CCT7: variants seen among roughly 807,000 people sequenced by gnomAD.
CCT7 encodes the protein chaperonin containing TCP1 subunit 7, also known as T-complex protein 1 subunit eta.
Under a neutral mutation model 56.6 loss-of-function variants are expected in CCT7, and 16 were observed. The observed-to-expected ratio is 0.28, with a 90% CI of 0.19 to 0.43. The LOEUF (loss-of-function observed/expected upper bound fraction) is 0.43. CCT7 is among the 20% of genes least tolerant of loss of function. The pLI is 1.00. For missense variants in CCT7, 519 were observed against 685.6 expected (o/e 0.76, Z 2.71); for synonymous variants, 262 against 254.8 (o/e 1.03, Z -0.27).
At chr2:73,248,946 A>G (rs371241779) in intron 7 of CCT7, 45 bp from the exon 8 acceptor site, 16 of 1,539,974 alleles carry the variant, frequency 1.0e-5, no homozygotes, top group Non-Finnish European at 1.4e-5. Flanking sequence ...CGTATATGTC[A>G]ACCTTCACCC....
chr2:73,241,738 G>GT (rs71846554), intron 3 of CCT7, among the ~76,000 whole-genome samples: 1,929 of 144,620 alleles, frequency 0.013, 34 homozygotes, highest in African/African-American at 0.033. Flanking sequence ...ATTCCCAGTA[G>GT]TTTTTTTTTT....
At chr2:73,250,546 T>G in intron 10 of CCT7, 108 bp downstream of exon 10, 2 of 1,312,132 alleles carry the variant, frequency 1.5e-6, no homozygotes, top group Non-Finnish European at 2.1e-6. Context: ...ACCTGCCCTT[T>G]CCTGGGTGGT....
intron 3 of CCT7, 26 bp downstream of exon 3, chr2:73,240,569 T>C: frequency 6.7e-7 from 1 of 1,487,950 alleles, no homozygotes; most frequent in Non-Finnish European, 9.3e-7. Flanking sequence ...TGTGTTTAAA[T>C]GGAGGTTGAA....
chr2:73,252,324 GATATATATAT>G (rs57359293), intron 11 of CCT7, among the ~76,000 whole-genome samples: 2 of 127,338 alleles, frequency 1.6e-5, no homozygotes, highest in South Asian at 2.7e-4. Context: ...CTCATTGTTT[GATATATATAT>G]ATATATATAT....
intron 5 of CCT7, 139 bp downstream of exon 5, chr2:73,244,188 C>T (rs929560831): frequency 3.3e-5 from 27 of 826,790 alleles, no homozygotes; most frequent in Admixed American, 1.7e-4. Flanking sequence ...GTGTGAGTCA[C>T]CGTGTCAGGC....
chr2:73,249,285 C>G, intron 8 of CCT7, 106 bp downstream of exon 8: 3 of 881,650 alleles, frequency 3.4e-6, no homozygotes, highest in Non-Finnish European at 5.0e-6. Flanking sequence ...GTGAATTGAG[C>G]CCTGTTTTTT....
rs763936655 is a variant in CCT7, at chr2:73,240,520, A to G, written c.244A>G (p.Ile82Val). 1.2e-6 allele frequency: 2 copies of G among 1,606,092 alleles called. No individual in the cohort carries two copies. Among genetic ancestry groups the G allele is most frequent in the Non-Finnish European group, 1.7e-6 (2 of 1,175,478 alleles). ...TCCTGCAGCAAAGACTTTGGTAGAC[A>G]TTGCCAAATCCCAAGATGCTGAGGT... ...VHPAAKTLVD[I>V]AKSQDAEVGD... The change falls in exon 3 of 12, where the codon ATT (isoleucine) becomes GTT (valine). Residue 82 changes from isoleucine (I) to valine (V), a missense_variant. By Grantham distance (29) the Ile-to-Val change is conservative. Transcript: ENST00000258091.
chr2:73,239,600 T>C lies in CCT7; in HGVS notation c.7-43T>C, dbSNP rs777297335. 14 of 1,580,772 alleles carry C rather than the reference T, an allele frequency of 8.9e-6. No individual in the cohort carries two copies. The African/African-American group carries it at 1.9e-4, about 21-fold the overall frequency. Reference sequence around the variant, plus strand: ...CCCCTTTCCCCTGCCAGTCTCATTATAATAGATGATTATTAAAAGCAGTTA... The same window carrying C: ...CCCCTTTCCCCTGCCAGTCTCATTACAATAGATGATTATTAAAAGCAGTTA... On this transcript the variant is annotated intron_variant, in intron 1 of 11. Coordinates refer to ENST00000258091, the MANE Select transcript of CCT7 (RefSeq NM_006429.4).
chr2:73,234,407 G>C, intron 1 of CCT7, 23 bp downstream of exon 1: 1 of 1,612,628 alleles, frequency 6.2e-7, no homozygotes, highest in African/African-American at 1.3e-5. Context: ...TCGCGCATCC[G>C]TCGCCATCAG....
At chr2:73,243,926 T>G in intron 4 of CCT7, 71 bp from the exon 5 acceptor site, 3 of 1,385,018 alleles carry the variant, frequency 2.2e-6, no homozygotes, top group Non-Finnish European at 3.1e-6. Flanking sequence ...TCAGGACTAT[T>G]GAGAGATTGA....
chr2:73,251,910 G>T (rs954465178), intron 11 of CCT7, among the ~76,000 whole-genome samples: 3 of 151,636 alleles, frequency 2.0e-5, no homozygotes, highest in Admixed American at 2.0e-4. Flanking sequence ...CTGCACTCCA[G>T]CCCGGGTGGT....
intron 2 of CCT7, chr2:73,240,150 A>G (rs1393670817): frequency 6.0e-6 from 2 of 332,274 alleles, no homozygotes; most frequent in African/African-American, 4.2e-5. Flanking sequence ...TGTGGTAAGA[A>G]TATCTAAGTG....
chr2:73,239,810 G>A lies in CCT7; in HGVS notation c.160+14G>A. The A allele has an allele frequency of 3.1e-6, 5 of 1,613,380 alleles. No homozygotes were observed. The highest frequency in any genetic ancestry group is 2.2e-5 in the South Asian group (2 of 90,996). ...TAGATGGCAGAGGTAAGTCTACAGA[G>A]TTCCTCAGGCCTGTGTGCAGGAAAG... is the stretch of plus-strand genomic sequence containing the variant. On this transcript the variant is annotated intron_variant, in intron 2 of 11. Transcript: ENST00000258091.
chr2:73,234,502 A>G, intron 1 of CCT7, 118 bp downstream of exon 1: 1 of 1,245,868 alleles, frequency 8.0e-7, no homozygotes, highest in East Asian at 2.5e-5. Context: ...GTCCTCGCCC[A>G]GATCCCCAGC....
chr2:73,245,155 A>C (rs567862606), intron 6 of CCT7, among the ~76,000 whole-genome samples: 27 of 152,196 alleles, frequency 1.8e-4, no homozygotes, highest in Non-Finnish European at 4.0e-4. Context: ...TAAAGTTAAA[A>C]GTGTTTCATG....
At chr2:73,235,816 C>G (rs1030791086) in intron 1 of CCT7, among the ~76,000 whole-genome samples, 2 of 152,182 alleles carry the variant, frequency 1.3e-5, no homozygotes, top group African/African-American at 4.8e-5. Context: ...CAGTCCATCC[C>G]GCTGCCAGGG....
chr2:73,248,028 C>T (rs1687418979), intron 7 of CCT7, 102 bp downstream of exon 7: 1 of 1,000,784 alleles, frequency 1.0e-6, no homozygotes, highest in Admixed American at 2.3e-5. Context: ...TCTTCCTGCC[C>T]CCCTGAATAT....
At chr2:73,242,861 G>A in intron 3 of CCT7, 143 bp from the exon 4 acceptor site, 1 of 937,320 alleles carries the variant, frequency 1.1e-6, no homozygotes, top group Non-Finnish European at 1.6e-6. Flanking sequence ...TCTACTTATT[G>A]CAAAAACCTG....
At chr2:73,241,724 G>C (rs1185079232) in intron 3 of CCT7, among the ~76,000 whole-genome samples, 1 of 151,488 alleles carries the variant, frequency 6.6e-6, no homozygotes, top group African/African-American at 2.4e-5. Flanking sequence ...CTAGTAATCT[G>C]CTTATTCCCA....
Sources: gnomAD v4.1 joint callset for allele counts (sites outside exome capture counted in the v4.1 genomes callset) on GRCh38, gnomAD v4.1.1 for gene constraint, MANE v1.5 for transcripts, NCBI Gene and HGNC (gene_info 2026-07-23, HGNC 2026-07-21) for gene names.